The following BTNL3 variants were observed in gnomAD, a reference collection of about 807,000 sequenced individuals.
BTNL3 encodes butyrophilin like 3, also known as butyrophilin-like protein 3.
BTNL3 carries 20 observed loss-of-function variants against 40.1 expected under a neutral mutation model. That is an observed-to-expected ratio of 0.50 (90% CI 0.35 to 0.72). BTNL3 has a LOEUF of 0.72. Ranked by LOEUF, BTNL3 falls within the 30% of genes least tolerant of loss-of-function variation. The pLI is 0.01. For missense variants in BTNL3, 449 were observed against 582.2 expected (o/e 0.77, Z 2.35); for synonymous variants, 179 against 222.1 (o/e 0.81, Z 1.73).
At position 180,990,965 on chromosome 5, in the gene BTNL3, C is replaced by T. The variant is rs576356615; in HGVS notation, c.50-1848C>T. Among the ~76,000 whole-genome samples, 24 of 137,106 alleles carry T rather than the reference C, an allele frequency of 1.8e-4. 6 individuals carry two copies. Among genetic ancestry groups the T allele is most frequent in the East Asian group, 1.1e-3 (5 of 4,608 alleles). 89.9% of individuals were successfully genotyped at this position (137,106 alleles called of 152,430 possible). On this transcript the variant is annotated intron_variant, in intron 1 of 7. Transcript: ENST00000342868. ...CCCCACTGGGTGAGATGTGCCCCTC[C>T]GGGACTATTAAAATCGCAAACCTTC...
chr5:180,988,919 A>T lies in BTNL3; in HGVS notation c.-110A>T. ...GCACAGTTTGACATCGTTCATGAAG[A>T]GCCTCTCCACGGCTCCTGCGCCTGA... On this transcript the variant is annotated 5_prime_UTR_variant, in exon 1 of 8. Coordinates refer to ENST00000342868, the MANE Select transcript of BTNL3 (RefSeq NM_197975.3). The T allele has an allele frequency of 8.4e-7, 1 of 1,197,120 alleles. No homozygotes were observed. Among genetic ancestry groups the T allele is most frequent in the Non-Finnish European group, 1.2e-6 (1 of 855,426 alleles). 74.2% of individuals were successfully genotyped at this position (1,197,120 alleles called of 1,614,324 possible). A position where few individuals can be genotyped will look rare whatever the true frequency, so the allele number is the denominator to read the frequency against.
At chr5:181,000,855 T>C (rs1187842155) in intron 3 of BTNL3, among the ~76,000 whole-genome samples, 1 of 135,580 alleles carries the variant, frequency 7.4e-6, no homozygotes, top group Non-Finnish European at 1.7e-5. Flanking sequence ...TAAAATAAAA[T>C]AAAATCATAA....
At chr5:180,989,207 C>A in intron 1 of BTNL3, 130 bp downstream of exon 1, 2 of 1,144,394 alleles carry the variant, frequency 1.7e-6, no homozygotes, top group Non-Finnish European at 2.4e-6. Flanking sequence ...TTCTCCTGGC[C>A]TCAGGCTGGA....
chr5:180,992,709 C>T (rs1582086128), intron 1 of BTNL3, 104 bp from the exon 2 acceptor site: 2 of 1,297,970 alleles, frequency 1.5e-6, no homozygotes, highest in East Asian at 2.6e-5. Context: ...AGAAAGAAGA[C>T]TGATGGATCC....
intron 4 of BTNL3, among the ~76,000 whole-genome samples, chr5:181,003,155 A>AG (rs1206330081): frequency 7.4e-6 from 1 of 135,618 alleles, no homozygotes; most frequent in Non-Finnish European, 1.7e-5. Context: ...CAGGAGTGTA[A>AG]GACCATCCTG....
rs770169327 is a variant in BTNL3 at position 181,006,237 on chromosome 5, C to G, written c.*365C>G. Reference sequence around the variant, plus strand: ...TGCTAGTCACGGACAGTGATTCCTGCCTCACAGGTGAAGATTAAAGAGACA... The same window carrying G: ...TGCTAGTCACGGACAGTGATTCCTGGCTCACAGGTGAAGATTAAAGAGACA... On this transcript the variant is annotated 3_prime_UTR_variant, in exon 8 of 8. Transcript: ENST00000342868. 2 of 401,478 alleles carry G rather than the reference C, an allele frequency of 5.0e-6. No homozygotes were observed. Among genetic ancestry groups the G allele is most frequent in the African/African-American group, 4.1e-5 (2 of 48,576 alleles). 24.9% of individuals were successfully genotyped at this position (401,478 alleles called of 1,614,324 possible). A position where few individuals can be genotyped will look rare whatever the true frequency, so the allele number is the denominator to read the frequency against.
chr5:181,001,086 T>C (rs1760102774), intron 3 of BTNL3, among the ~76,000 whole-genome samples: 2 of 136,566 alleles, frequency 1.5e-5, no homozygotes, highest in Admixed American at 1.5e-4. Context: ...ATCGTGTTCA[T>C]GAAAAATGAG....
At chr5:181,002,451 C>T (rs1245043716) in intron 3 of BTNL3, among the ~76,000 whole-genome samples, 1 of 76,298 alleles carries the variant, frequency 1.3e-5, no homozygotes, top group African/African-American at 5.3e-5. Context: ...AGCTTTAACG[C>T]GCACACACAC....
At chr5:180,990,117 G>A (rs1045016439) in intron 1 of BTNL3, among the ~76,000 whole-genome samples, 5 of 136,818 alleles carry the variant, frequency 3.7e-5, no homozygotes, top group African/African-American at 1.3e-4. Flanking sequence ...CCAAGATCGT[G>A]CCACTGCACT....
Position 181,005,688 on chromosome 5 carries a change from G to C in BTNL3, c.1217G>C (p.Arg406Pro). 6.2e-7 allele frequency: 1 copy of C among 1,614,052 alleles called. No individual in the cohort carries two copies. Among genetic ancestry groups the C allele is most frequent in the Non-Finnish European group, 8.5e-7 (1 of 1,180,000 alleles). ...ISLPPSTPPT[R>P]VGVFLDYEGG... ...CTCCCCCCCAGCACCCCTCCTACAC[G>C]AGTAGGGGTCTTCCTGGACTATGAG... Residue 406 changes from arginine (R) to proline (P), a missense_variant, in exon 8 of 8, where the codon CGA becomes CCA. Arg to Pro is a moderately radical substitution (Grantham distance 103, BLOSUM62 -2). Around this residue, in one of 2 missense-constraint regions of BTNL3, gnomAD observed 126 missense variants for 117.2 expected, o/e 1.07. Transcript: ENST00000342868.
chr5:180,995,458 T>C (rs1289990728), intron 2 of BTNL3, among the ~76,000 whole-genome samples: 1 of 137,086 alleles, frequency 7.3e-6, no homozygotes, highest in Non-Finnish European at 1.7e-5. Flanking sequence ...GGTCCTAGTC[T>C]ATTTTTGGTG....
rs1025370933 is a variant in BTNL3 at position 180,994,073 on chromosome 5, G to T, written c.397+913G>T. 1.8e-4 allele frequency among the ~76,000 whole-genome samples: 25 copies of T among 137,392 alleles called. 5 individuals carry two copies. Among genetic ancestry groups the T allele is most frequent in the African/African-American group, 5.8e-4 (23 of 39,876 alleles). The allele number at this position is 137,392 out of a possible 152,430, so 90.1% of individuals were successfully genotyped here. ...CTGCCTTGGGCTCCCAAAATGCTGG[G>T]ATTACAGGTGTGAGCCACCACACCC... is the stretch of plus-strand genomic sequence containing the variant. On this transcript the variant is annotated intron_variant, in intron 2 of 7. Transcript: ENST00000342868.
chr5:181,004,221 C>T lies in BTNL3; in HGVS notation c.809-196C>T, dbSNP rs534802707. ...AATTTGTGGGTGATCCTCGACCTCC[C>T]CTGGCCTGATGCTTTGAGACTTTAT... On this transcript the variant is annotated intron_variant, in intron 5 of 7. Transcript: ENST00000342868. Among the ~76,000 whole-genome samples the T allele has an allele frequency of 9.6e-3, 1,432 of 149,700 alleles. 3 individuals carry two copies. Among genetic ancestry groups the T allele is most frequent in the African/African-American group, 0.033 (1,366 of 40,960 alleles).
At chr5:180,993,403 G>A (rs1158628560) in intron 2 of BTNL3, among the ~76,000 whole-genome samples, 1 of 136,404 alleles carries the variant, frequency 7.3e-6, no homozygotes, top group Non-Finnish European at 1.7e-5. Context: ...GGATACAGAG[G>A]AAAGCCACTC....
rs1224145687 is a variant in BTNL3, at chr5:180,997,373, C to T, written c.558C>T (p.Tyr186=). Residue 186 remains tyrosine, a synonymous_variant, in exon 3 of 8, where the codon TAC becomes TAT. Transcript: ENST00000342868. ...SSDSRANADG[Y]SLYDVEISII... ...ACTCCAGAGCAAATGCAGATGGGTA[C>T]AGCCTGTATGATGTGGAGATCTCCA... 1.4e-6 allele frequency: 2 copies of T among 1,463,994 alleles called. No individual in the cohort carries two copies. 90.7% of individuals were successfully genotyped at this position (1,463,994 alleles called of 1,614,324 possible).
In BTNL3 at chr5:180,988,938, C is replaced by T. The variant is rs551061201; in HGVS notation, c.-91C>T. ...ATGAAGAGCCTCTCCACGGCTCCTG[C>T]GCCTGAGACAGCTGGCCTGACCTCC... On this transcript the variant is annotated 5_prime_UTR_variant, in exon 1 of 8. Coordinates refer to ENST00000342868, the MANE Select transcript of BTNL3 (RefSeq NM_197975.3). 1.1e-4 allele frequency: 152 copies of T among 1,329,488 alleles called. 27 individuals carry two copies. The highest frequency in any genetic ancestry group is 6.6e-4 in the African/African-American group (46 of 69,456). 82.4% of individuals were successfully genotyped at this position (1,329,488 alleles called of 1,614,324 possible). A position where few individuals can be genotyped will look rare whatever the true frequency, so the allele number is the denominator to read the frequency against.
In BTNL3 at chr5:181,000,970, T is replaced by C. The variant is rs1396922863; in HGVS notation, c.674-1702T>C. ...AAGAAAATGTAAAAGTTATAACTTT[T>C]AGAAAGAAAAAAATTAAATGGCCAT... is the stretch of plus-strand genomic sequence containing the variant. On this transcript the variant is annotated intron_variant, in intron 3 of 7. Coordinates refer to ENST00000342868, the MANE Select transcript of BTNL3 (RefSeq NM_197975.3). Among the ~76,000 whole-genome samples the C allele has an allele frequency of 2.2e-5, 3 of 136,358 alleles. 1 individual carries two copies. Among genetic ancestry groups the C allele is most frequent in the African/African-American group, 7.5e-5 (3 of 39,790 alleles). The allele number at this position is 136,358 out of a possible 152,430, so 89.5% of individuals were successfully genotyped here.
chr5:181,001,189 G>A lies in BTNL3; in HGVS notation c.674-1483G>A, dbSNP rs908834044. ...AAGACACTAATGAAAACTAAAATAA[G>A]AGAACAAACATAACACCTTTCAGAT... On this transcript the variant is annotated intron_variant, in intron 3 of 7. Coordinates refer to ENST00000342868, the MANE Select transcript of BTNL3 (RefSeq NM_197975.3). Among the ~76,000 whole-genome samples, 4 of 137,050 alleles carry A rather than the reference G, an allele frequency of 2.9e-5. 1 individual carries two copies. The highest frequency in any genetic ancestry group is 1.0e-4 in the African/African-American group (4 of 39,804). 89.9% of individuals were successfully genotyped at this position (137,050 alleles called of 152,430 possible). A position where few individuals can be genotyped will look rare whatever the true frequency, so the allele number is the denominator to read the frequency against.
At chr5:181,004,091 A>T in intron 5 of BTNL3, 1 of 1,417,130 alleles carries the variant, frequency 7.1e-7, no homozygotes, top group Non-Finnish European at 9.6e-7. Flanking sequence ...AAGTCCCCAC[A>T]AATTGTCTGT....
Sources: allele counts gnomAD v4.1 joint callset (sites outside exome capture counted in the v4.1 genomes callset), GRCh38; gene constraint gnomAD v4.1.1; regional missense constraint gnomAD v4.1.1; transcripts MANE v1.5; gene names NCBI Gene and HGNC (gene_info 2026-07-23, HGNC 2026-07-21).